Variants in CNTNAP5 observed in about 807,000 individuals in gnomAD.
CNTNAP5 encodes contactin-associated protein-like 5.
CNTNAP5 carries 72 observed loss-of-function variants against 150.2 expected under a neutral mutation model. The ratio of observed to expected loss-of-function variants is 0.48; its 90% confidence interval spans 0.40 to 0.58. CNTNAP5 has a LOEUF of 0.58. Ranked by LOEUF, CNTNAP5 falls within the 20% of genes least tolerant of loss-of-function variation. CNTNAP5 has a pLI of 0.00. For synonymous variants in CNTNAP5, 672 were observed against 619.8 expected, an observed-to-expected ratio of 1.08 and a Z score of -1.25; for missense variants, 1,636 against 1,626.2, an observed-to-expected ratio of 1.01 and a Z score of -0.10.
chr2:124,138,765 G>A (rs757338988), intron 1 of CNTNAP5, among the ~76,000 whole-genome samples: 7 of 151,870 alleles, frequency 4.6e-5, no homozygotes, highest in Non-Finnish European at 5.9e-5. Context: ...TCCGAAATAC[G>A]GCATGTAAGA....
At chr2:124,412,454 G>A (rs1472627680) in intron 3 of CNTNAP5, among the ~76,000 whole-genome samples, 1 of 149,732 alleles carries the variant, frequency 6.7e-6, no homozygotes, top group Non-Finnish European at 1.5e-5. Context: ...AAAGCTGGAG[G>A]CATCACACTA....
At chr2:124,642,397 G>GA (rs1172297950) in intron 12 of CNTNAP5, among the ~76,000 whole-genome samples, 10 of 152,082 alleles carry the variant, frequency 6.6e-5, no homozygotes, top group Non-Finnish European at 1.2e-4. Context: ...CAGAAATGCC[G>GA]AAACTAAGAA....
intron 1 of CNTNAP5, among the ~76,000 whole-genome samples, chr2:124,145,794 T>C (rs1405382383): frequency 3.4e-5 from 1 of 29,532 alleles, no homozygotes; most frequent in Non-Finnish European, 7.3e-5. Context: ...TAAAGTATAA[T>C]AAAAAAAAAA....
intron 19 of CNTNAP5, among the ~76,000 whole-genome samples, chr2:124,836,986 C>G (rs1204443968): frequency 6.6e-6 from 1 of 152,038 alleles, no homozygotes; most frequent in Non-Finnish European, 1.5e-5. Flanking sequence ...AGGAGCAAAG[C>G]CCTCACAACC....
intron 3 of CNTNAP5, among the ~76,000 whole-genome samples, chr2:124,314,465 A>C (rs1688915821): frequency 6.6e-6 from 1 of 152,178 alleles, no homozygotes; most frequent in African/African-American, 2.4e-5. Context: ...ATTTTAGCTG[A>C]GGGGACACAT....
intron 11 of CNTNAP5, among the ~76,000 whole-genome samples, chr2:124,598,751 C>G (rs867148250): frequency 1.2e-4 from 19 of 152,282 alleles, no homozygotes; most frequent in Middle Eastern, 6.8e-3. Context: ...GCCTCGCTGC[C>G]GCCTTGCAGT....
chr2:124,570,128 C>A (rs1365943732), intron 11 of CNTNAP5, among the ~76,000 whole-genome samples: 1 of 152,126 alleles, frequency 6.6e-6, no homozygotes, highest in East Asian at 1.9e-4. Flanking sequence ...GGGTCTCCAG[C>A]CTCTGATCTA....
intron 10 of CNTNAP5, among the ~76,000 whole-genome samples, chr2:124,541,693 T>C (rs1695388752): frequency 6.6e-6 from 1 of 152,122 alleles, no homozygotes. Context: ...TTTTCTGTGA[T>C]ATTAAATAAT....
rs185985184 is a variant in CNTNAP5 at position 124,787,555 on chromosome 2, G to A, written c.2753-2347G>A. Among the ~76,000 whole-genome samples, 37 of 152,284 alleles carry A rather than the reference G, an allele frequency of 2.4e-4. No individual in the cohort carries two copies. In the East Asian group the frequency reaches 6.8e-3, roughly 28 times the overall value. The stretch of plus-strand genomic sequence containing the variant: ...CTTAGGATAAATTTCTATGGATGTA[G>A]CAAGTGAATGTCATACATATATTTA... On this transcript the variant is annotated intron_variant, in intron 17 of 23. Transcript: ENST00000682447.
intron 1 of CNTNAP5, among the ~76,000 whole-genome samples, chr2:124,043,473 T>C (rs750564899): frequency 1.8e-4 from 27 of 152,212 alleles, no homozygotes; most frequent in Non-Finnish European, 3.5e-4. Context: ...TACCTAACGA[T>C]AGCCACCACA....
chr2:124,155,308 A>G (rs1684500653), intron 1 of CNTNAP5, among the ~76,000 whole-genome samples: 2 of 152,086 alleles, frequency 1.3e-5, no homozygotes, highest in African/African-American at 4.8e-5. Flanking sequence ...CAGTTCCTTC[A>G]GCTACTGCTC....
intron 13 of CNTNAP5, among the ~76,000 whole-genome samples, chr2:124,745,484 C>T (rs1322113221): frequency 6.6e-6 from 1 of 152,158 alleles, no homozygotes; most frequent in Admixed American, 6.5e-5. Flanking sequence ...TACTCCATTC[C>T]TGAATGTGCT....
At chr2:124,588,527 C>G (rs563357843) in intron 11 of CNTNAP5, among the ~76,000 whole-genome samples, 1 of 151,878 alleles carries the variant, frequency 6.6e-6, no homozygotes, top group African/African-American at 2.4e-5. Flanking sequence ...TACATACCAA[C>G]GACTTTACTT....
At chr2:124,773,386 GCCCTTCCAAGTGCTGC>G (rs1681248355) in intron 17 of CNTNAP5, among the ~76,000 whole-genome samples, 2 of 152,130 alleles carry the variant, frequency 1.3e-5, no homozygotes. Flanking sequence ...GTCATGGGCT[GCCCTTCCAAGTGCTGC>G]CCCAGTCCTG....
chr2:124,126,959 A>G (rs1389084858), intron 1 of CNTNAP5, among the ~76,000 whole-genome samples: 1 of 152,210 alleles, frequency 6.6e-6, no homozygotes, highest in Non-Finnish European at 1.5e-5. Flanking sequence ...TATCATACTG[A>G]ATGGGCAAAA....
intron 19 of CNTNAP5, among the ~76,000 whole-genome samples, chr2:124,856,561 G>A (rs929960470): frequency 3.9e-5 from 6 of 152,086 alleles, no homozygotes; most frequent in Non-Finnish European, 5.9e-5. Flanking sequence ...TCGCAATGTT[G>A]TTTTAACTTG....
chr2:124,683,210 T>C (rs2105070986), intron 13 of CNTNAP5, among the ~76,000 whole-genome samples: 1 of 152,308 alleles, frequency 6.6e-6, no homozygotes, highest in Admixed American at 6.5e-5. Flanking sequence ...CTCTCCCATA[T>C]ACTATGTAGA....
At chr2:124,568,983 G>A (rs1367919753) in intron 11 of CNTNAP5, among the ~76,000 whole-genome samples, 4 of 152,212 alleles carry the variant, frequency 2.6e-5, no homozygotes, top group Admixed American at 6.5e-5. Context: ...GGGAGGCGGA[G>A]CTTGCAGTGA....
intron 1 of CNTNAP5, among the ~76,000 whole-genome samples, chr2:124,198,913 G>T (rs1573829324): frequency 6.7e-6 from 1 of 149,184 alleles, no homozygotes; most frequent in Middle Eastern, 3.5e-3. Flanking sequence ...TTTCTTACTG[G>T]AAAAAACCTT....
Sources: allele counts gnomAD v4.1 joint callset (sites outside exome capture counted in the v4.1 genomes callset), GRCh38; gene constraint gnomAD v4.1.1; transcripts MANE v1.5; gene names NCBI Gene and HGNC (gene_info 2026-07-23, HGNC 2026-07-21).